SLAIN2: variants seen among roughly 807,000 people sequenced by gnomAD.
SLAIN2 encodes the protein SLAIN family member 2.
Under a neutral mutation model 56.6 loss-of-function variants are expected in SLAIN2, and 31 were observed. The ratio of observed to expected loss-of-function variants is 0.55; its 90% CI spans 0.41 to 0.74. SLAIN2 has a LOEUF of 0.74. SLAIN2 is among the 30% of genes least tolerant of loss of function. The pLI is 0.00. For synonymous variants in SLAIN2, 317 were observed against 284.9 expected (o/e 1.11, Z -1.13); for missense variants, 777 against 754.2 (o/e 1.03, Z -0.35).
At chr4:48,419,612 A>G (rs764221442) in intron 6 of SLAIN2, among the ~76,000 whole-genome samples, 1 of 152,198 alleles carries the variant, frequency 6.6e-6, no homozygotes, top group African/African-American at 2.4e-5. Context: ...AAGCACAGCA[A>G]TGGAAGCACT....
chr4:48,425,190 T>C lies in SLAIN2; in HGVS notation c.*3113T>C, dbSNP rs552617257. The C allele has an allele frequency of 9.2e-5, 14 of 152,142 alleles. No homozygotes were observed. The highest frequency in any genetic ancestry group is 2.1e-4 in the Non-Finnish European group (14 of 67,982). The allele number at this position is 152,142 out of a possible 1,614,324, so 9.4% of individuals were successfully genotyped here. ...CTTCATGGGGTTGGATTATGTCTTATATTTTCTCTGTCAGAGTTATTTCAT... is the reference window on the plus strand; with the variant it reads ...CTTCATGGGGTTGGATTATGTCTTACATTTTCTCTGTCAGAGTTATTTCAT... On this transcript the variant is annotated 3_prime_UTR_variant, in exon 8 of 8. Transcript: ENST00000264313.
chr4:48,405,390 A>C (rs954015332), intron 6 of SLAIN2, among the ~76,000 whole-genome samples: 1 of 152,056 alleles, frequency 6.6e-6, no homozygotes, highest in African/African-American at 2.4e-5. Flanking sequence ...AGTTTCTCTT[A>C]CTTTATCGTT....
intron 5 of SLAIN2, 132 bp from the exon 6 acceptor site, chr4:48,383,515 A>T: frequency 1.2e-6 from 1 of 856,246 alleles, no homozygotes; most frequent in African/African-American, 1.7e-5. Context: ...TAATAAGACA[A>T]GTCCTTTGTA....
chr4:48,372,183 A>G (rs752418077), intron 2 of SLAIN2, among the ~76,000 whole-genome samples: 7 of 152,150 alleles, frequency 4.6e-5, no homozygotes, highest in African/African-American at 7.2e-5. Flanking sequence ...AGAATCTGCT[A>G]TAATAGGCAT....
chr4:48,366,666 G>A (rs1190081499), intron 1 of SLAIN2, among the ~76,000 whole-genome samples: 1 of 151,880 alleles, frequency 6.6e-6, no homozygotes, highest in Non-Finnish European at 1.5e-5. Flanking sequence ...TGTTTCTTTT[G>A]TAGACAACGT....
intron 1 of SLAIN2, among the ~76,000 whole-genome samples, chr4:48,352,152 C>T (rs1412088186): frequency 1.3e-5 from 2 of 151,948 alleles, no homozygotes; most frequent in African/African-American, 4.8e-5. Flanking sequence ...GTTAGTGTGG[C>T]AATAGTATGT....
intron 3 of SLAIN2, among the ~76,000 whole-genome samples, chr4:48,379,294 G>A (rs1410562849): frequency 6.6e-6 from 1 of 152,092 alleles, no homozygotes; most frequent in Admixed American, 6.5e-5. Flanking sequence ...GTTTGTCAAT[G>A]ACTGTGAATT....
chr4:48,342,149 A>G (rs749358515), intron 1 of SLAIN2, 21 bp downstream of exon 1: 46 of 1,338,040 alleles, frequency 3.4e-5, no homozygotes, highest in Non-Finnish European at 4.3e-5. Context: ...GGCGCCGGGC[A>G]GGAGCTGGGC....
At chr4:48,344,648 C>T (rs897179456) in intron 1 of SLAIN2, among the ~76,000 whole-genome samples, 3 of 151,350 alleles carry the variant, frequency 2.0e-5, no homozygotes, top group African/African-American at 4.9e-5. Flanking sequence ...GAACTAGTAT[C>T]TTTTTTAGAA....
chr4:48,402,320 C>T (rs769225903), intron 6 of SLAIN2, among the ~76,000 whole-genome samples: 8 of 151,926 alleles, frequency 5.3e-5, no homozygotes, highest in Non-Finnish European at 1.0e-4. Flanking sequence ...TGATTATTGA[C>T]CTTGTCTTGC....
At chr4:48,389,362 C>A (rs28409655) in intron 6 of SLAIN2, among the ~76,000 whole-genome samples, 60,098 of 151,962 alleles carry the variant, frequency 0.4, 12,189 homozygotes, top group East Asian at 0.5. Flanking sequence ...TGGGTTAAAC[C>A]CTGACTTTGG....
Position 48,377,905 on chromosome 4 carries a change from G to A in SLAIN2, c.548G>A (p.Arg183Lys), listed in dbSNP as rs771506333. 6.2e-7 allele frequency: 1 copy of A among 1,613,170 alleles called. No homozygotes were observed. Among genetic ancestry groups the A allele is most frequent in the African/African-American group, 1.3e-5 (1 of 74,994 alleles). The change falls in exon 3 of 8, where the codon AGG becomes AAG. Residue 183 changes from arginine (R) to lysine (K), a missense_variant. Arg to Lys is a conservative substitution (Grantham distance 26, BLOSUM62 2). Transcript: ENST00000264313. ...KLDQTMSALK[R>K]QNLYNNPFNS... is the part of the protein sequence containing the mutation. ...CTTCTCATTAATGCAGCTCTCAAGA[G>A]GCAGAATTTATATAATAATCCTTTC...
chr4:48,413,721 T>A (rs562617869), intron 6 of SLAIN2, among the ~76,000 whole-genome samples: 1 of 152,322 alleles, frequency 6.6e-6, no homozygotes, highest in South Asian at 2.1e-4. Flanking sequence ...GCAATGTGTT[T>A]ATTTTTATTA....
intron 1 of SLAIN2, among the ~76,000 whole-genome samples, chr4:48,368,836 A>AC (rs1438922828): frequency 6.6e-6 from 1 of 152,190 alleles, no homozygotes; most frequent in Admixed American, 6.5e-5. Flanking sequence ...CATATGAGAG[A>AC]CAGACCTAAG....
In SLAIN2 at chr4:48,361,045, G is replaced by A. The variant is rs558187930; in HGVS notation, c.390-8804G>A. Among the ~76,000 whole-genome samples the A allele has an allele frequency of 2.6e-5, 4 of 152,314 alleles. No homozygotes were observed. In the East Asian group the frequency reaches 7.7e-4, roughly 29 times the overall value. ...GTCTCTTATTAGAATGGGCGTAAGG[G>A]ATAGAATTTCCTTTTTGACAGGGCA... is the stretch of plus-strand genomic sequence containing the variant. On this transcript the variant is annotated intron_variant, in intron 1 of 7. Transcript: ENST00000264313.
chr4:48,361,904 G>A (rs1715336835), intron 1 of SLAIN2, among the ~76,000 whole-genome samples: 1 of 152,060 alleles, frequency 6.6e-6, no homozygotes, highest in Non-Finnish European at 1.5e-5. Flanking sequence ...TTATTCCTGA[G>A]TATTTTATTC....
intron 1 of SLAIN2, among the ~76,000 whole-genome samples, chr4:48,363,748 G>T (rs1401349391): frequency 2.4e-4 from 20 of 82,602 alleles, no homozygotes; most frequent in South Asian, 1.2e-3. Context: ...GCGGGGGGCT[G>T]ACCCCCCCCA....
At position 48,341,969 on chromosome 4, in the gene SLAIN2, G is replaced by T; in HGVS notation, c.230G>T (p.Gly77Val). ...FPLGLSAKSG[G>V]GPGSGPRRTS... The stretch of plus-strand genomic sequence containing the variant: ...TTGGGCCTCAGCGCCAAGTCGGGCG[G>T]CGGGCCCGGGTCGGGCCCGAGGCGG... Residue 77 changes from glycine (G) to valine (V), a missense_variant, in exon 1 of 8, where the codon GGC becomes GTC. Physicochemically the swap from Gly to Val is moderately radical, Grantham distance 109. Transcript: ENST00000264313. The T allele has an allele frequency of 7.0e-7, 1 of 1,438,476 alleles. No individual in the cohort carries two copies. Among genetic ancestry groups the T allele is most frequent in the Non-Finnish European group, 9.1e-7 (1 of 1,101,776 alleles). 89.1% of individuals were successfully genotyped at this position (1,438,476 alleles called of 1,614,324 possible).
chr4:48,417,998 T>G (rs1717041358), intron 6 of SLAIN2, among the ~76,000 whole-genome samples: 1 of 152,222 alleles, frequency 6.6e-6, no homozygotes, highest in African/African-American at 2.4e-5. Flanking sequence ...GAAGTGTGTG[T>G]GTGTGTAGAT....
Sources: gnomAD v4.1 joint callset for allele counts (sites outside exome capture counted in the v4.1 genomes callset) on GRCh38, gnomAD v4.1.1 for gene constraint, MANE v1.5 for transcripts, NCBI Gene and HGNC (gene_info 2026-07-23, HGNC 2026-07-21) for gene names.